JAKMIP1: variants seen among roughly 807,000 people sequenced by gnomAD.
JAKMIP1 encodes the protein janus kinase and microtubule-interacting protein 1.
JAKMIP1 carries 33 observed loss-of-function variants against 113.0 expected under a neutral mutation model. The ratio of observed to expected loss-of-function variants is 0.29; its 90% CI spans 0.22 to 0.39. The LOEUF is 0.39. Among genes scored for constraint, JAKMIP1 ranks in the 10% least tolerant of loss-of-function variants. The probability of loss-of-function intolerance (pLI) is 1.00; values close to 1 mark genes in which losing one functional copy is unlikely to be tolerated. For missense variants in JAKMIP1, 813 were observed against 1,080.5 expected (o/e 0.75, Z 3.47); for synonymous variants, 480 against 459.9 (o/e 1.04, Z -0.56).
rs112334262 is a variant in JAKMIP1, at chr4:6,193,290, C to T, written c.-148+6963G>A. ...TACTTTTGAGGTTTTGGGATTCAGACTGATCCGCCACTGGTTTCTTTGCTC... is the reference window on the plus strand; with the variant it reads ...TACTTTTGAGGTTTTGGGATTCAGATTGATCCGCCACTGGTTTCTTTGCTC... On this transcript the variant is annotated intron_variant, in intron 1 of 20. Coordinates refer to ENST00000409021, the MANE Select transcript of JAKMIP1 (RefSeq NM_001099433.2). The surrounding 1 kb of genome is among the most constrained non-coding windows in gnomAD (Gnocchi z 6.4). 2.6e-5 allele frequency among the ~76,000 whole-genome samples: 4 copies of T among 152,328 alleles called. No homozygotes were observed. Among genetic ancestry groups the T allele is most frequent in the African/African-American group, 9.6e-5 (4 of 41,576 alleles).
In JAKMIP1 at chr4:6,140,309, T is replaced by C. The variant is rs1308636571; in HGVS notation, c.-147-27312A>G. On this transcript the variant is annotated intron_variant, in intron 1 of 20. Transcript: ENST00000409021. This position sits in a 1 kb window ranked among gnomAD's most constrained non-coding sequence, Gnocchi z 9.4. Reference sequence around the variant, plus strand: ...CACCAACATTTGTGTGATACACATCTTCCCACATAAATCATAATGCACACC... The same window carrying C: ...CACCAACATTTGTGTGATACACATCCTCCCACATAAATCATAATGCACACC... Among the ~76,000 whole-genome samples, 2 of 151,466 alleles carry C rather than the reference T, an allele frequency of 1.3e-5. No homozygotes were observed. The highest frequency in any genetic ancestry group is 4.9e-5 in the African/African-American group (2 of 41,060).
chr4:6,075,522 G>A (rs185465565), intron 8 of JAKMIP1, among the ~76,000 whole-genome samples: 1 of 152,284 alleles, frequency 6.6e-6, no homozygotes, highest in East Asian at 1.9e-4. Context: ...ATGCTGGTGG[G>A]CCCAGGAAAC....
At chr4:6,039,485 T>G (rs1428746775) in intron 18 of JAKMIP1, among the ~76,000 whole-genome samples, 1 of 152,076 alleles carries the variant, frequency 6.6e-6, no homozygotes, top group Non-Finnish European at 1.5e-5. Flanking sequence ...TGGAAAACAC[T>G]AGGGAAGAAC....
At position 6,168,381 on chromosome 4, in the gene JAKMIP1, C is replaced by A. The variant is rs1042769248; in HGVS notation, c.-148+31872G>T. 2.0e-5 allele frequency among the ~76,000 whole-genome samples: 3 copies of A among 152,194 alleles called. No individual in the cohort carries two copies. The highest frequency in any genetic ancestry group is 2.9e-5 in the Non-Finnish European group (2 of 68,034). Reference sequence around the variant, plus strand: ...CGATTCCTAACACCCAACATGTGAACACAACCCAAATGTGCATCAGTTACA... The same window carrying A: ...CGATTCCTAACACCCAACATGTGAAAACAACCCAAATGTGCATCAGTTACA... On this transcript the variant is annotated intron_variant, in intron 1 of 20. Coordinates refer to ENST00000409021, the MANE Select transcript of JAKMIP1 (RefSeq NM_001099433.2). The surrounding 1 kb of genome is among the most constrained non-coding windows in gnomAD (Gnocchi z 4.6).
rs1375922878 is a variant in JAKMIP1, at chr4:6,199,084, T to A, written c.-148+1169A>T. The stretch of plus-strand genomic sequence containing the variant: ...CTCAGGAGGGGCAAGGGGATCTCCC[T>A]GACTACAAGGAGCTGGCCAGCTGAA... On this transcript the variant is annotated intron_variant, in intron 1 of 20. Coordinates refer to ENST00000409021, the MANE Select transcript of JAKMIP1 (RefSeq NM_001099433.2). This position sits in a 1 kb window ranked among gnomAD's most constrained non-coding sequence, Gnocchi z 5.6. Among the ~76,000 whole-genome samples the A allele has an allele frequency of 6.6e-6, 1 of 152,260 alleles. No individual in the cohort carries two copies. Among genetic ancestry groups the A allele is most frequent in the Non-Finnish European group, 1.5e-5 (1 of 68,040 alleles).
Position 6,146,738 on chromosome 4 carries a change from G to A in JAKMIP1, c.-147-33741C>T, listed in dbSNP as rs1005535443. On this transcript the variant is annotated intron_variant, in intron 1 of 20. Coordinates refer to ENST00000409021, the MANE Select transcript of JAKMIP1 (RefSeq NM_001099433.2). The stretch of plus-strand genomic sequence containing the variant: ...ATCTGAGGTAGGTGATCTGGCCTGC[G>A]GTGGGGCACAGATGTTGGTATTTTT... 4.6e-5 allele frequency among the ~76,000 whole-genome samples: 7 copies of A among 152,182 alleles called. No individual in the cohort carries two copies. In the East Asian group the frequency reaches 5.8e-4, roughly 13 times the overall value.
rs769994359 is a variant in JAKMIP1, at chr4:6,137,923, C to T, written c.-147-24926G>A. Among the ~76,000 whole-genome samples, 6 of 152,098 alleles carry T rather than the reference C, an allele frequency of 3.9e-5. No homozygotes were observed. Among genetic ancestry groups the T allele is most frequent in the Non-Finnish European group, 7.4e-5 (5 of 68,014 alleles). ...GCCTGGCAGACAAGGTGTGCTCTGG[C>T]GTTGGGGGTCCCACCATGGCCTTCT... On this transcript the variant is annotated intron_variant, in intron 1 of 20. Coordinates refer to ENST00000409021, the MANE Select transcript of JAKMIP1 (RefSeq NM_001099433.2). The surrounding 1 kb of genome is among the most constrained non-coding windows in gnomAD (Gnocchi z 4.5).
At chr4:6,037,667 C>T (rs1384073474) in intron 18 of JAKMIP1, among the ~76,000 whole-genome samples, 9 of 135,696 alleles carry the variant, frequency 6.6e-5, no homozygotes, top group South Asian at 2.6e-4. Context: ...CCTCCATCAC[C>T]GAGGCAGAGG....
intron 1 of JAKMIP1, among the ~76,000 whole-genome samples, chr4:6,133,697 G>A (rs767591434): frequency 1.1e-4 from 17 of 152,320 alleles, no homozygotes; most frequent in Middle Eastern, 3.4e-3. Flanking sequence ...GTGTCCTCCT[G>A]GCCTTGGCAC....
chr4:6,166,436 T>C (rs1283202775), intron 1 of JAKMIP1, among the ~76,000 whole-genome samples: 1 of 152,076 alleles, frequency 6.6e-6, no homozygotes, highest in East Asian at 1.9e-4. Context: ...CTACCTGAAG[T>C]GAAGATGCCC....
chr4:6,145,455 G>A lies in JAKMIP1; in HGVS notation c.-147-32458C>T, dbSNP rs1014646334. On this transcript the variant is annotated intron_variant, in intron 1 of 20. Transcript: ENST00000409021. ...TCACACAGCCTTCACAGTCCCAGTG[G>A]TTCTTGGCCTGGGGTGCTCTCAAAA... Among the ~76,000 whole-genome samples the A allele has an allele frequency of 1.4e-4, 21 of 150,868 alleles. No individual in the cohort carries two copies. The East Asian group carries it at 3.3e-3, about 24-fold the overall frequency.
intron 1 of JAKMIP1, among the ~76,000 whole-genome samples, chr4:6,166,796 A>T (rs1304207218): frequency 1.3e-5 from 2 of 152,196 alleles, no homozygotes; most frequent in Non-Finnish European, 2.9e-5. Context: ...CAGGGCCTAA[A>T]GGCTAAAGCA....
At position 6,062,371 on chromosome 4, in the gene JAKMIP1, C is replaced by A; in HGVS notation, c.1501G>T (p.Ala501Ser). 6.2e-7 allele frequency: 1 copy of A among 1,613,740 alleles called. No homozygotes were observed. The highest frequency in any genetic ancestry group is 8.5e-7 in the Non-Finnish European group (1 of 1,179,988). The change falls in exon 10 of 21, where the codon GCC becomes TCC. Residue 501 changes from alanine (A) to serine (S), a missense_variant. Transcript: ENST00000409021. Reference sequence around the variant, plus strand: ...ACCTGCTCCTGGAGCAGGGCGTAGGCGCGTTGCAGGGCCTGGTACTCCCGG... The same window carrying A: ...ACCTGCTCCTGGAGCAGGGCGTAGGAGCGTTGCAGGGCCTGGTACTCCCGG... ...LTREYQALQR[A>S]YALLQEQVGG...
In JAKMIP1 at chr4:6,158,473, A is replaced by G. The variant is rs1430465184; in HGVS notation, c.-148+41780T>C. Among the ~76,000 whole-genome samples the G allele has an allele frequency of 6.6e-6, 1 of 152,140 alleles. No individual in the cohort carries two copies. The highest frequency in any genetic ancestry group is 2.4e-5 in the African/African-American group (1 of 41,422). Reference sequence around the variant, plus strand: ...GCACAGGCCTGGCTGGATGAGATGGAGAGCAAATTTTGGAGTAAAATAAAG... The same window carrying G: ...GCACAGGCCTGGCTGGATGAGATGGGGAGCAAATTTTGGAGTAAAATAAAG... On this transcript the variant is annotated intron_variant, in intron 1 of 20. Coordinates refer to ENST00000409021, the MANE Select transcript of JAKMIP1 (RefSeq NM_001099433.2). This position sits in a 1 kb window ranked among gnomAD's most constrained non-coding sequence, Gnocchi z 5.3.
chr4:6,106,258 A>T lies in JAKMIP1; in HGVS notation c.130-291T>A, dbSNP rs994761972. Among the ~76,000 whole-genome samples, 3 of 152,240 alleles carry T rather than the reference A, an allele frequency of 2.0e-5. No individual in the cohort carries two copies. Among genetic ancestry groups the T allele is most frequent in the Non-Finnish European group, 4.4e-5 (3 of 68,044 alleles). The stretch of plus-strand genomic sequence containing the variant: ...GACATCTCTTCCAGGTTGTAAATTG[A>T]GACGACTGCTCAATCACAAAACACA... On this transcript the variant is annotated intron_variant, in intron 2 of 20. Transcript: ENST00000409021. This position sits in a 1 kb window ranked among gnomAD's most constrained non-coding sequence, Gnocchi z 5.9.
chr4:6,098,680 GAA>G (rs1712391739), intron 3 of JAKMIP1, among the ~76,000 whole-genome samples: 1 of 6,820 alleles, frequency 1.5e-4, no homozygotes, highest in African/African-American at 2.6e-4. Context: ...GAGAAAGAAA[GAA>G]AGAAAGAAAG....
intron 1 of JAKMIP1, among the ~76,000 whole-genome samples, chr4:6,147,572 G>A (rs563501141): frequency 6.6e-6 from 1 of 152,194 alleles, no homozygotes; most frequent in East Asian, 1.9e-4. Context: ...GCTCCAAACG[G>A]TCCCCCAGGC....
chr4:6,078,925 C>CA lies in JAKMIP1; in HGVS notation c.1302+13dup, dbSNP rs750438703. On this transcript the variant is annotated intron_variant, in intron 8 of 20. Coordinates refer to ENST00000409021, the MANE Select transcript of JAKMIP1 (RefSeq NM_001099433.2). ...CAGCGGCAAGGTAGGGCAGGTGCAC[C>CA]ATCGCAGGCTCACCTTGGGCGGTTT... is the stretch of plus-strand genomic sequence containing the variant. The CA allele has an allele frequency of 2.5e-5, 41 of 1,614,102 alleles. No individual in the cohort carries two copies. In the South Asian group the frequency reaches 4.2e-4, roughly 16 times the overall value.
rs1477554576 is a variant in JAKMIP1, at chr4:6,097,478, C to A, written c.624+7995G>T. Among the ~76,000 whole-genome samples the A allele has an allele frequency of 1.3e-5, 2 of 152,096 alleles. No homozygotes were observed. Among genetic ancestry groups the A allele is most frequent in the African/African-American group, 2.4e-5 (1 of 41,422 alleles). ...GGGGGCTAGGGGGATCTTTTTTCCC[C>A]TTGGGTATGCTAAATACACTGCGTT... On this transcript the variant is annotated intron_variant, in intron 3 of 20. Transcript: ENST00000409021. This position sits in a 1 kb window ranked among gnomAD's most constrained non-coding sequence, Gnocchi z 4.3.
Sources: gnomAD v4.1 joint callset for allele counts (sites outside exome capture counted in the v4.1 genomes callset) on GRCh38, gnomAD v4.1.1 for gene constraint, Gnocchi (gnomAD v3.1) non-coding constraint, MANE v1.5 for transcripts, NCBI Gene and HGNC (gene_info 2026-07-23, HGNC 2026-07-21) for gene names.